TLL1: variants seen among roughly 807,000 people sequenced by gnomAD.
The protein encoded by TLL1 is tolloid-like protein 1.
In TLL1, 49 loss-of-function variants were observed where a neutral mutation model predicts 128.2. That is an observed-to-expected ratio of 0.38 (90% CI 0.30 to 0.48). The LOEUF is 0.48. Ranked by LOEUF, TLL1 falls within the 20% of genes least tolerant of loss-of-function variation. TLL1 has a pLI of 0.96. For missense variants in TLL1, 1,123 were observed against 1,242.0 expected (o/e 0.90, Z 1.44); for synonymous variants, 454 against 418.8 (o/e 1.08, Z -1.03).
chr4:165,987,374 G>A lies in TLL1; in HGVS notation c.170-2007G>A, dbSNP rs78671064. 6.6e-5 allele frequency among the ~76,000 whole-genome samples: 10 copies of A among 152,138 alleles called. No homozygotes were observed. The East Asian group carries it at 7.8e-4, about 12-fold the overall frequency. On this transcript the variant is annotated intron_variant, in intron 1 of 20. Transcript: ENST00000061240. ...TATTTAACTTGGGTAAGTTTCTTGC[G>A]GGGGTCTGGCTTTAGGGATGCTGGA...
intron 1 of TLL1, among the ~76,000 whole-genome samples, chr4:165,876,425 A>G (rs1386226043): frequency 6.6e-6 from 1 of 152,194 alleles, no homozygotes; most frequent in Non-Finnish European, 1.5e-5. Context: ...TACTTTCCAG[A>G]CACTTGGGGC....
intron 1 of TLL1, among the ~76,000 whole-genome samples, chr4:165,984,890 T>G (rs1736330616): frequency 6.6e-6 from 1 of 152,006 alleles, no homozygotes; most frequent in African/African-American, 2.4e-5. Context: ...AAATATTTAT[T>G]CTTGGAATAG....
intron 1 of TLL1, among the ~76,000 whole-genome samples, chr4:165,969,459 A>G (rs945602017): frequency 6.6e-6 from 1 of 152,132 alleles, no homozygotes; most frequent in Admixed American, 6.6e-5. Flanking sequence ...GCATAACATT[A>G]TAAGTATTTA....
At chr4:165,988,609 T>C (rs1332923641) in intron 1 of TLL1, among the ~76,000 whole-genome samples, 1 of 152,020 alleles carries the variant, frequency 6.6e-6, no homozygotes, top group African/African-American at 2.4e-5. Flanking sequence ...CACTCCAGCC[T>C]GGGTAACAGA....
chr4:165,989,219 T>C (rs1321964292), intron 1 of TLL1, among the ~76,000 whole-genome samples, 162 bp from the exon 2 acceptor site: 1 of 151,614 alleles, frequency 6.6e-6, no homozygotes, highest in East Asian at 1.9e-4. Flanking sequence ...CTAATATTTG[T>C]CCTGTAACAG....
intron 8 of TLL1, among the ~76,000 whole-genome samples, chr4:166,023,675 C>G (rs1316377157): frequency 6.6e-6 from 1 of 152,130 alleles, no homozygotes; most frequent in East Asian, 1.9e-4. Context: ...TTTCCACTTC[C>G]TGCATTATAA....
rs371022381 is a variant in TLL1 at position 165,887,852 on chromosome 4, T to A, written c.169+13779T>A. Among the ~76,000 whole-genome samples, 16 of 152,318 alleles carry A rather than the reference T, an allele frequency of 1.1e-4. 1 individual carries two copies. The highest frequency in any genetic ancestry group is 4.6e-4 in the Admixed American group (7 of 15,306). On this transcript the variant is annotated intron_variant, in intron 1 of 20. Transcript: ENST00000061240. Reference sequence around the variant, plus strand: ...AATACTGTTTAATATTTAATATTTTTATCTGTAATTTGTGCCTGCTTTTGA... The same window carrying A: ...AATACTGTTTAATATTTAATATTTTAATCTGTAATTTGTGCCTGCTTTTGA...
At chr4:166,027,827 C>T (rs913599565) in intron 9 of TLL1, among the ~76,000 whole-genome samples, 1 of 152,090 alleles carries the variant, frequency 6.6e-6, no homozygotes, top group Middle Eastern at 3.2e-3. Flanking sequence ...CTGGGAAAAA[C>T]ATTTCTCCTG....
chr4:165,896,431 C>A (rs1731681896), intron 1 of TLL1, among the ~76,000 whole-genome samples: 2 of 150,952 alleles, frequency 1.3e-5, no homozygotes, highest in African/African-American at 4.9e-5. Context: ...GATTTATAAT[C>A]CTTTGGGTAT....
intron 7 of TLL1, 49 bp from the exon 8 acceptor site, chr4:166,014,387 G>T: frequency 6.2e-7 from 1 of 1,609,998 alleles, no homozygotes; most frequent in East Asian, 2.2e-5. Flanking sequence ...AGGAATTCAT[G>T]AGTTTTCATT....
chr4:166,066,310 G>A (rs1335053219), intron 16 of TLL1, among the ~76,000 whole-genome samples: 1 of 151,570 alleles, frequency 6.6e-6, no homozygotes, highest in Non-Finnish European at 1.5e-5. Flanking sequence ...ATTGTCAGCT[G>A]TATTTAATGG....
At chr4:166,062,441 G>C (rs909688448) in intron 15 of TLL1, among the ~76,000 whole-genome samples, 2 of 152,106 alleles carry the variant, frequency 1.3e-5, no homozygotes, top group African/African-American at 4.8e-5. Context: ...CACATCCCTC[G>C]TAAGTTGTAT....
chr4:165,875,218 G>T (rs548863416), intron 1 of TLL1, among the ~76,000 whole-genome samples: 45 of 152,296 alleles, frequency 3.0e-4, no homozygotes, highest in African/African-American at 9.9e-4. Flanking sequence ...TCCGTGCGGG[G>T]TTGCTCTGTG....
At chr4:165,933,314 TCAGATCTGAGTGTTGTTC>T (rs1733612952) in intron 1 of TLL1, among the ~76,000 whole-genome samples, 1 of 152,008 alleles carries the variant, frequency 6.6e-6, no homozygotes, top group Non-Finnish European at 1.5e-5. Context: ...AGAGGACGCC[TCAGATCTGAGTGTTGTTC>T]CCCAGGTTCT....
At chr4:165,996,922 A>G (rs566588927) in intron 5 of TLL1, among the ~76,000 whole-genome samples, 1 of 151,416 alleles carries the variant, frequency 6.6e-6, no homozygotes, top group African/African-American at 2.4e-5. Flanking sequence ...GTGTGTTAAT[A>G]TATACCTATA....
At chr4:165,898,339 C>T (rs1271240912) in intron 1 of TLL1, among the ~76,000 whole-genome samples, 1 of 152,192 alleles carries the variant, frequency 6.6e-6, no homozygotes, top group Non-Finnish European at 1.5e-5. Context: ...TAGCTTTTGC[C>T]CATTCAGTAT....
chr4:166,037,801 T>C (rs1449197913), intron 9 of TLL1, among the ~76,000 whole-genome samples: 2 of 151,826 alleles, frequency 1.3e-5, no homozygotes, highest in East Asian at 3.9e-4. Flanking sequence ...AGAGTGAAAC[T>C]CTGTCTCCAA....
At chr4:165,952,422 A>C (rs1040834863) in intron 1 of TLL1, among the ~76,000 whole-genome samples, 1 of 152,168 alleles carries the variant, frequency 6.6e-6, no homozygotes, top group Admixed American at 6.6e-5. Flanking sequence ...ATTATGCATT[A>C]ACTTGAATAT....
chr4:165,976,110 T>A (rs1735874588), intron 1 of TLL1, among the ~76,000 whole-genome samples: 1 of 150,938 alleles, frequency 6.6e-6, no homozygotes, highest in Non-Finnish European at 1.5e-5. Context: ...GTATTATGGT[T>A]TGGATTCTAG....
Sources: allele counts gnomAD v4.1 joint callset (sites outside exome capture counted in the v4.1 genomes callset), GRCh38; gene constraint gnomAD v4.1.1; transcripts MANE v1.5; gene names NCBI Gene and HGNC (gene_info 2026-07-23, HGNC 2026-07-21).